Variants in PAX2 observed in about 807,000 individuals in gnomAD.
The protein encoded by PAX2 is paired box 2.
PAX2 carries 9 observed loss-of-function variants against 41.7 expected under a neutral mutation model. The observed-to-expected ratio is 0.22, with a 90% CI of 0.13 to 0.38. PAX2 has a LOEUF of 0.38. Among genes scored for constraint, PAX2 ranks in the 10% least tolerant of loss-of-function variants. PAX2 has a pLI of 1.00. For missense variants in PAX2, 418 were observed against 531.6 expected (o/e 0.79, Z 2.10); for synonymous variants, 221 against 212.7 (o/e 1.04, Z -0.34).
chr10:100,790,644 C>T (rs1372655594), intron 5 of PAX2, among the ~76,000 whole-genome samples: 1 of 152,202 alleles, frequency 6.6e-6, no homozygotes, highest in Non-Finnish European at 1.5e-5. Flanking sequence ...AGCTGAGAAG[C>T]GCAGGCCACT....
intron 3 of PAX2, among the ~76,000 whole-genome samples, chr10:100,755,331 C>T (rs1042703285): frequency 6.6e-6 from 1 of 152,160 alleles, no homozygotes; most frequent in Admixed American, 6.5e-5. Flanking sequence ...TGCTGCTTGC[C>T]CTGCCTTCCT....
intron 5 of PAX2, among the ~76,000 whole-genome samples, chr10:100,785,003 C>T (rs962146000): frequency 2.0e-5 from 3 of 152,152 alleles, no homozygotes; most frequent in African/African-American, 7.2e-5. Context: ...TTCTGAAGCA[C>T]CCAGAAGACA....
chr10:100,759,860 G>A (rs1275541915), intron 3 of PAX2, among the ~76,000 whole-genome samples: 1 of 152,194 alleles, frequency 6.6e-6, no homozygotes, highest in Admixed American at 6.5e-5. Context: ...CCCTGGTCTT[G>A]GTGCTCCCTC....
At position 100,750,179 on chromosome 10, in the gene PAX2, G is replaced by A. The variant is rs1439861140; in HGVS notation, c.212+265G>A. Reference sequence around the variant, plus strand: ...CAGCCCGTTTCTGGCTTCAGAAAGGGAAGGATGACTTTCCTAATGGAGTTA... The same window carrying A: ...CAGCCCGTTTCTGGCTTCAGAAAGGAAAGGATGACTTTCCTAATGGAGTTA... On this transcript the variant is annotated intron_variant, in intron 2 of 9. Coordinates refer to ENST00000355243, the MANE Select transcript of PAX2 (RefSeq NM_000278.5). The surrounding 1 kb of genome is among the most constrained non-coding windows in gnomAD (Gnocchi z 4.1). Among the ~76,000 whole-genome samples, 1 of 152,134 alleles carries A rather than the reference G, an allele frequency of 6.6e-6. No individual in the cohort carries two copies. The highest frequency in any genetic ancestry group is 1.5e-5 in the Non-Finnish European group (1 of 68,030).
intron 5 of PAX2, among the ~76,000 whole-genome samples, chr10:100,798,288 A>C (rs1847410275): frequency 6.6e-6 from 1 of 151,292 alleles, no homozygotes; most frequent in South Asian, 2.1e-4. Context: ...GCTAATTTTT[A>C]TATTTTTGGT....
At chr10:100,793,505 A>G (rs1020732010) in intron 5 of PAX2, among the ~76,000 whole-genome samples, 3 of 152,154 alleles carry the variant, frequency 2.0e-5, no homozygotes, top group Non-Finnish European at 4.4e-5. Flanking sequence ...GTGACTTGGC[A>G]GTGGGGTGCC....
chr10:100,739,615 C>T (rs1844885536), intron 1 of PAX2, among the ~76,000 whole-genome samples: 1 of 152,220 alleles, frequency 6.6e-6, no homozygotes, highest in Non-Finnish European at 1.5e-5. Flanking sequence ...CTGTTTCGCT[C>T]CCTCTGGTCT....
intron 5 of PAX2, among the ~76,000 whole-genome samples, chr10:100,783,235 C>T (rs1846704774): frequency 6.6e-6 from 1 of 152,224 alleles, no homozygotes; most frequent in Non-Finnish European, 1.5e-5. Context: ...TCAAGAAAGG[C>T]TTGGTACTAT....
chr10:100,762,118 C>T (rs767188520), intron 3 of PAX2, among the ~76,000 whole-genome samples: 4 of 151,838 alleles, frequency 2.6e-5, no homozygotes, highest in Non-Finnish European at 5.9e-5. Flanking sequence ...AATCCTAGCA[C>T]TTTGGGAGGC....
chr10:100,814,495 C>T (rs1432863790), intron 7 of PAX2, among the ~76,000 whole-genome samples: 2 of 152,226 alleles, frequency 1.3e-5, no homozygotes, highest in Middle Eastern at 3.4e-3. Context: ...GAGGACCATA[C>T]CTATAGATTA....
chr10:100,798,132 C>G (rs1303135599), intron 5 of PAX2, among the ~76,000 whole-genome samples: 3 of 105,144 alleles, frequency 2.9e-5, no homozygotes, highest in Non-Finnish European at 5.4e-5. Context: ...TTTTTTTAGA[C>G]AGGGTCAGGG....
intron 3 of PAX2, among the ~76,000 whole-genome samples, chr10:100,760,739 T>TCTC: frequency 6.6e-6 from 1 of 152,074 alleles, no homozygotes; most frequent in South Asian, 2.1e-4. Flanking sequence ...TCTTCCTCTT[T>TCTC]CTCCTCCTCC....
At chr10:100,808,019 TC>T (rs897712637) in intron 6 of PAX2, among the ~76,000 whole-genome samples, 3 of 152,188 alleles carry the variant, frequency 2.0e-5, no homozygotes, top group African/African-American at 7.2e-5. Flanking sequence ...CAGTGCACCC[TC>T]CCTGAGTCCC....
At position 100,809,110 on chromosome 10, in the gene PAX2, G is replaced by T. The variant is rs1847901504; in HGVS notation, c.793G>T (p.Gly265Trp). The change falls in exon 7 of 10, where the codon GGG (glycine) becomes TGG (tryptophan). Residue 265 changes from glycine (G) to tryptophan (W), a missense_variant and splice_region_variant. Gly to Trp is a radical substitution (Grantham distance 184). This residue lies in a region of PAX2 where 310 missense variants were observed against 325.2 expected (regional missense o/e 0.95). Transcript: ENST00000355243. ...QASEHIKSEQGNEYSLPALTP... is the reference protein window; with the variant it reads ...QASEHIKSEQWNEYSLPALTP... ...CTGTCACTTTTCTCTCTCCTCCCAGGGGAACGAGTACTCCCTCCCAGCCCT... is the reference window on the plus strand; with the variant it reads ...CTGTCACTTTTCTCTCTCCTCCCAGTGGAACGAGTACTCCCTCCCAGCCCT... 9.9e-6 allele frequency: 16 copies of T among 1,613,388 alleles called. 1 individual carries two copies. The highest frequency in any genetic ancestry group is 1.2e-5 in the Non-Finnish European group (14 of 1,179,560).
At chr10:100,742,477 C>G (rs144525346), upstream of PAX2, among the ~76,000 whole-genome samples, 273 of 152,258 alleles carry the variant, frequency 1.8e-3, 1 homozygote, top group Non-Finnish European at 3.1e-3. Context: ...CGCCAGGCGC[C>G]TGGGCAAGCC....
Position 100,746,097 on chromosome 10 carries a change from G to T in PAX2, c.-164G>T, listed in dbSNP as rs1845156853. 1 of 1,527,762 alleles carries T rather than the reference G, an allele frequency of 6.5e-7. No individual in the cohort carries two copies. The highest frequency in any genetic ancestry group is 8.7e-7 in the Non-Finnish European group (1 of 1,145,844). The allele number at this position is 1,527,762 out of a possible 1,614,324, so 94.6% of individuals were successfully genotyped here. On this transcript the variant is annotated 5_prime_UTR_variant, in exon 1 of 10. Coordinates refer to ENST00000355243, the MANE Select transcript of PAX2 (RefSeq NM_000278.5). ...GCCAACCCGGAGGAGCCCCAGCGGG[G>T]AGCGCAGTGCTGCGCCCCCCGCCCC...
intron 3 of PAX2, among the ~76,000 whole-genome samples, chr10:100,759,113 G>A (rs1331559074): frequency 6.6e-6 from 1 of 152,190 alleles, no homozygotes; most frequent in African/African-American, 2.4e-5. Context: ...CCCGCAAGGG[G>A]AGCTTGGATT....
At chr10:100,821,367 T>C (rs1275538219) in intron 7 of PAX2, among the ~76,000 whole-genome samples, 1 of 152,210 alleles carries the variant, frequency 6.6e-6, no homozygotes, top group Non-Finnish European at 1.5e-5. Flanking sequence ...ATACTGGTGT[T>C]ATAGACTCCG....
intron 3 of PAX2, among the ~76,000 whole-genome samples, chr10:100,755,906 G>C (rs1179030759): frequency 6.6e-6 from 1 of 152,194 alleles, no homozygotes; most frequent in Non-Finnish European, 1.5e-5. Flanking sequence ...AAGGGGTGGA[G>C]ATGTGGCAGG....
Sources: gnomAD v4.1 joint callset for allele counts (sites outside exome capture counted in the v4.1 genomes callset) on GRCh38, gnomAD v4.1.1 for gene constraint, gnomAD v4.1.1 regional missense constraint, Gnocchi (gnomAD v3.1) non-coding constraint, MANE v1.5 for transcripts, NCBI Gene and HGNC (gene_info 2026-07-23, HGNC 2026-07-21) for gene names.